The following GOPC variants were observed in gnomAD, a reference collection of about 807,000 sequenced individuals.
GOPC encodes golgi associated PDZ and coiled-coil motif containing.
In GOPC, 32 loss-of-function variants were observed where a neutral mutation model predicts 51.2. That is an observed-to-expected ratio of 0.63 (90% CI 0.47 to 0.84). The LOEUF (loss-of-function observed/expected upper bound fraction) is 0.84. Ranked by LOEUF, GOPC falls within the 40% of genes least tolerant of loss-of-function variation. The probability of loss-of-function intolerance (pLI) is 0.00; values close to 1 mark genes in which losing one functional copy is unlikely to be tolerated. For missense variants in GOPC, 441 were observed against 555.5 expected, an observed-to-expected ratio of 0.79 and a Z score of 2.07; for synonymous variants, 190 against 205.1, an observed-to-expected ratio of 0.93 and a Z score of 0.63.
intron 1 of GOPC, among the ~76,000 whole-genome samples, chr6:117,585,864 T>C (rs1780024795): frequency 6.6e-6 from 1 of 152,104 alleles, no homozygotes; most frequent in Non-Finnish European, 1.5e-5. Flanking sequence ...CAGGTACAGA[T>C]ATGCAAGCAA....
chr6:117,571,055 A>G (rs1779799162), intron 5 of GOPC, 100 bp from the exon 6 acceptor site: 1 of 492,686 alleles, frequency 2.0e-6, no homozygotes, highest in South Asian at 4.0e-5. Flanking sequence ...AATCTGTATT[A>G]ACTTCCTGGA....
chr6:117,567,797 AC>A (rs1429354851), intron 7 of GOPC, among the ~76,000 whole-genome samples: 1 of 152,092 alleles, frequency 6.6e-6, no homozygotes, highest in Admixed American at 6.6e-5. Context: ...ATAAAGAAAA[AC>A]AAAAGTTTGA....
At chr6:117,591,798 G>A (rs984847530) in intron 1 of GOPC, among the ~76,000 whole-genome samples, 3 of 152,136 alleles carry the variant, frequency 2.0e-5, no homozygotes, top group African/African-American at 7.2e-5. Context: ...TTGAATTTTA[G>A]AGAGATACAG....
chr6:117,596,193 T>A (rs972526735), intron 1 of GOPC, among the ~76,000 whole-genome samples: 1 of 152,214 alleles, frequency 6.6e-6, no homozygotes, highest in Admixed American at 6.5e-5. Context: ...TTTGTGTATC[T>A]TCTTTAGAGA....
chr6:117,587,135 T>C (rs1397187839), intron 1 of GOPC, among the ~76,000 whole-genome samples: 3 of 152,224 alleles, frequency 2.0e-5, no homozygotes, highest in Non-Finnish European at 4.4e-5. Flanking sequence ...GAAGCAGTTA[T>C]CTGGTCTATG....
At chr6:117,582,208 C>T (rs993575797) in intron 1 of GOPC, among the ~76,000 whole-genome samples, 1 of 150,264 alleles carries the variant, frequency 6.7e-6, no homozygotes. Flanking sequence ...CCATATTTTT[C>T]TTGGTGGTTT....
At chr6:117,574,402 T>C (rs1779849218) in intron 4 of GOPC, among the ~76,000 whole-genome samples, 1 of 152,204 alleles carries the variant, frequency 6.6e-6, no homozygotes, top group African/African-American at 2.4e-5. Context: ...TTGTTAATAA[T>C]TTACTTAATA....
Position 117,573,549 on chromosome 6 carries a change from T to C in GOPC, c.734A>G (p.His245Arg). The change falls in exon 5 of 9, where the codon CAT becomes CGT. Residue 245 changes from histidine to arginine, a missense_variant. This residue lies in a region of GOPC where 166 missense variants were observed against 267.0 expected (regional missense o/e 0.62). Transcript: ENST00000368498. Reference protein sequence around the residue: ...KLWNQLEAEIHLHRHKTVIRA... With the variant: ...KLWNQLEAEIRLHRHKTVIRA... ...GATCACAGTTTTGTGACGATGCAAATGTATTTCAGCTTCTAATTGGTTCCA... is the reference window on the plus strand; with the variant it reads ...GATCACAGTTTTGTGACGATGCAAACGTATTTCAGCTTCTAATTGGTTCCA... 1.2e-6 allele frequency: 2 copies of C among 1,614,080 alleles called. No individual in the cohort carries two copies. The highest frequency in any genetic ancestry group is 1.6e-4 in the Middle Eastern group (1 of 6,062).
intron 6 of GOPC, 113 bp from the exon 7 acceptor site, chr6:117,569,849 T>C (rs1261486008): frequency 1.7e-6 from 2 of 1,162,506 alleles, no homozygotes; most frequent in Non-Finnish European, 2.3e-6. Flanking sequence ...ACCTATGCTG[T>C]CTCTATAAAT....
At chr6:117,588,295 T>C (rs1780062401) in intron 1 of GOPC, among the ~76,000 whole-genome samples, 1 of 151,800 alleles carries the variant, frequency 6.6e-6, no homozygotes, top group Non-Finnish European at 1.5e-5. Flanking sequence ...TTTTGAGACA[T>C]TGTCTCACTC....
chr6:117,598,570 G>C (rs1025211683), intron 1 of GOPC, among the ~76,000 whole-genome samples: 1 of 152,160 alleles, frequency 6.6e-6, no homozygotes. Context: ...AAAGACATTA[G>C]ACTCTCACAA....
At chr6:117,594,288 A>G (rs773298417) in intron 1 of GOPC, among the ~76,000 whole-genome samples, 11 of 152,152 alleles carry the variant, frequency 7.2e-5, no homozygotes, top group Non-Finnish European at 1.6e-4. Context: ...CTCTACGGCA[A>G]TGTTGAATGG....
Position 117,561,477 on chromosome 6 carries a change from AT to A in GOPC, c.*1776del. ...GTTTTCGGGTCTGCTACAATGGACA[AT>A]TTTTTTGACTAAATAAATACGGTGG... is the stretch of plus-strand genomic sequence containing the variant. On this transcript the variant is annotated 3_prime_UTR_variant, in exon 9 of 9. Transcript: ENST00000368498. The A allele has an allele frequency of 5.0e-5, 11 of 219,468 alleles. No individual in the cohort carries two copies. The highest frequency in any genetic ancestry group is 6.7e-5 in the East Asian group (1 of 14,964). 13.6% of individuals were successfully genotyped at this position (219,468 alleles called of 1,614,324 possible).
intron 1 of GOPC, among the ~76,000 whole-genome samples, chr6:117,601,722 T>C (rs979278897): frequency 2.6e-5 from 4 of 152,226 alleles, no homozygotes; most frequent in African/African-American, 9.6e-5. Flanking sequence ...TTTGTTAGGT[T>C]TGTTAATGTA....
At chr6:117,572,523 A>T (rs1189682919) in intron 5 of GOPC, among the ~76,000 whole-genome samples, 1 of 152,208 alleles carries the variant, frequency 6.6e-6, no homozygotes, top group Non-Finnish European at 1.5e-5. Context: ...TTATCAGGTT[A>T]AAGTTAAAAT....
At chr6:117,572,755 T>A (rs915617370) in intron 5 of GOPC, among the ~76,000 whole-genome samples, 2 of 152,172 alleles carry the variant, frequency 1.3e-5, no homozygotes, top group African/African-American at 2.4e-5. Flanking sequence ...CTTATCGCTA[T>A]CCCCACTTCT....
chr6:117,596,420 T>C (rs1403092205), intron 1 of GOPC, among the ~76,000 whole-genome samples: 2 of 152,174 alleles, frequency 1.3e-5, no homozygotes, highest in East Asian at 1.9e-4. Context: ...TTTATCTTTG[T>C]TTTTGTTGTG....
rs758145037 is a variant in GOPC at position 117,579,086 on chromosome 6, G to T, written c.286-22C>A. ...GTGCCTTATAAAGAAAACAATAGAA[G>T]AAATTAAGGATGCTTAATTTTCTTT... On this transcript the variant is annotated intron_variant, in intron 1 of 8. Coordinates refer to ENST00000368498, the MANE Select transcript of GOPC (RefSeq NM_020399.4). The T allele has an allele frequency of 7.7e-6, 12 of 1,551,790 alleles. No individual in the cohort carries two copies. In the African/African-American group the frequency reaches 1.5e-4, roughly 20 times the overall value.
At chr6:117,598,693 G>C (rs554859672) in intron 1 of GOPC, among the ~76,000 whole-genome samples, 1 of 152,322 alleles carries the variant, frequency 6.6e-6, no homozygotes, top group East Asian at 1.9e-4. Context: ...ACAGGAGCCA[G>C]AGGTCAGGCT....
Sources: allele counts gnomAD v4.1 joint callset (sites outside exome capture counted in the v4.1 genomes callset), GRCh38; gene constraint gnomAD v4.1.1; regional missense constraint gnomAD v4.1.1; transcripts MANE v1.5; gene names NCBI Gene and HGNC (gene_info 2026-07-23, HGNC 2026-07-21).